DPY19L2: variants seen among roughly 807,000 people sequenced by gnomAD.
DPY19L2 encodes the protein probable C-mannosyltransferase DPY19L2.
Under a neutral mutation model 97.9 loss-of-function variants are expected in DPY19L2, and 34 were observed. That is an observed-to-expected ratio of 0.35 (90% CI 0.26 to 0.46). The LOEUF is 0.46. Ranked by LOEUF, DPY19L2 falls within the 20% of genes least tolerant of loss-of-function variation. DPY19L2 has a pLI of 1.00. For synonymous variants in DPY19L2, 230 were observed against 307.9 expected (o/e 0.75, Z 2.65); for missense variants, 623 against 911.4 (o/e 0.68, Z 4.07).
intron 11 of DPY19L2, among the ~76,000 whole-genome samples, chr12:63,614,287 A>G (rs987876672): frequency 1.3e-5 from 2 of 152,184 alleles, no homozygotes; most frequent in Admixed American, 1.3e-4. Flanking sequence ...AAAAGGTGAC[A>G]AAACAAACTG....
At chr12:63,636,524 G>C (rs1242945590) in intron 6 of DPY19L2, among the ~76,000 whole-genome samples, 1 of 151,988 alleles carries the variant, frequency 6.6e-6, no homozygotes, top group Admixed American at 6.6e-5. Flanking sequence ...GCTGTATTCG[G>C]GAAACCCATC....
intron 11 of DPY19L2, among the ~76,000 whole-genome samples, chr12:63,609,045 T>G (rs918832683): frequency 1.3e-5 from 2 of 152,008 alleles, no homozygotes; most frequent in Non-Finnish European, 2.9e-5. Flanking sequence ...AAATCCTTCC[T>G]CTCCAAACTG....
chr12:63,633,242 G>A (rs773429222), intron 6 of DPY19L2, among the ~76,000 whole-genome samples: 1 of 150,042 alleles, frequency 6.7e-6, no homozygotes, highest in Non-Finnish European at 1.5e-5. Flanking sequence ...CACAGCTTCT[G>A]CACGCAAAAG....
Position 63,624,052 on chromosome 12 carries a change from G to C in DPY19L2, c.941C>G (p.Thr314Ser), listed in dbSNP as rs1424957963. 14 of 1,609,524 alleles carry C rather than the reference G, an allele frequency of 8.7e-6. No individual in the cohort carries two copies. Among genetic ancestry groups the C allele is most frequent in the Non-Finnish European group, 1.2e-5 (14 of 1,177,876 alleles). ...AAATCGAAGTTACCTGAGAATCAAA[G>C]TTAAAATACACATCTGAAGTACAAG... ...PFLVLQMCIL[T>S]LILRTSSNDR... Residue 314 changes from threonine (T) to serine (S), a missense_variant, in exon 8 of 22, where the codon ACT becomes AGT. Physicochemically the swap from Thr to Ser is moderately conservative, Grantham distance 58. This residue lies in a region of DPY19L2 where 67 missense variants were observed against 88.0 expected (regional missense o/e 0.76). Transcript: ENST00000324472.
intron 5 of DPY19L2, among the ~76,000 whole-genome samples, chr12:63,645,264 G>T (rs1324188569): frequency 6.6e-6 from 1 of 152,124 alleles, no homozygotes; most frequent in African/African-American, 2.4e-5. Context: ...AGGTCTGAAG[G>T]CTGGCCTTCT....
rs139008997 is a variant in DPY19L2, at chr12:63,582,303, C to G, written c.1725+103G>C. 6,968 of 1,234,842 alleles carry G rather than the reference C, an allele frequency of 5.6e-3. 343 individuals carry two copies. In the African/African-American group the frequency reaches 0.095, roughly 17 times the overall value. 76.5% of individuals were successfully genotyped at this position (1,234,842 alleles called of 1,614,324 possible). ...ATTTAACTTAGTTAAGTTAAAAACACTTAGTGTGTTTATATTTTGAATTAG... is the reference window on the plus strand; with the variant it reads ...ATTTAACTTAGTTAAGTTAAAAACAGTTAGTGTGTTTATATTTTGAATTAG... On this transcript the variant is annotated intron_variant, in intron 18 of 21. Coordinates refer to ENST00000324472, the MANE Select transcript of DPY19L2 (RefSeq NM_173812.5).
At chr12:63,614,817 C>A (rs1230124741) in intron 11 of DPY19L2, among the ~76,000 whole-genome samples, 1 of 152,078 alleles carries the variant, frequency 6.6e-6, no homozygotes, top group Non-Finnish European at 1.5e-5. Context: ...GAGCCTGCAA[C>A]CTATAATATT....
chr12:63,666,778 T>A (rs1164970141), intron 1 of DPY19L2, among the ~76,000 whole-genome samples: 4 of 152,124 alleles, frequency 2.6e-5, no homozygotes, highest in Non-Finnish European at 4.4e-5. Flanking sequence ...ATTCCAGAAG[T>A]CCCACCTCCC....
At chr12:63,641,964 G>A (rs1160130448) in intron 6 of DPY19L2, among the ~76,000 whole-genome samples, 1 of 152,136 alleles carries the variant, frequency 6.6e-6, no homozygotes, top group African/African-American at 2.4e-5. Flanking sequence ...ATGTGAGTTG[G>A]TATTTCACTG....
chr12:63,560,686 T>G (rs780496216), intron 21 of DPY19L2, 24 bp from the exon 22 acceptor site: 11 of 1,612,302 alleles, frequency 6.8e-6, no homozygotes, highest in Admixed American at 1.7e-5. Flanking sequence ...GACATATATA[T>G]CCATATTAGA....
At chr12:63,632,752 G>A (rs4763098) in intron 6 of DPY19L2, among the ~76,000 whole-genome samples, 42,772 of 151,804 alleles carry the variant, frequency 0.28, 6,614 homozygotes, top group African/African-American at 0.43. Context: ...AGCCCGCATC[G>A]CCAAGACAAT....
intron 12 of DPY19L2, among the ~76,000 whole-genome samples, chr12:63,605,520 C>A (rs1885887996): frequency 6.6e-6 from 1 of 152,132 alleles, no homozygotes; most frequent in Admixed American, 6.5e-5. Flanking sequence ...ATCATGATTT[C>A]ATACACACAC....
intron 21 of DPY19L2, among the ~76,000 whole-genome samples, chr12:63,562,994 G>A (rs1195715385): frequency 1.3e-5 from 2 of 151,720 alleles, no homozygotes; most frequent in African/African-American, 4.8e-5. Context: ...ATGGGGTTTC[G>A]CCATGTTGGC....
intron 4 of DPY19L2, among the ~76,000 whole-genome samples, chr12:63,653,906 A>C (rs771051845): frequency 6.6e-6 from 1 of 152,110 alleles, no homozygotes; most frequent in African/African-American, 2.4e-5. Context: ...TGCTGAAAGA[A>C]AGGAACTATC....
chr12:63,626,272 A>G (rs1889520116), intron 7 of DPY19L2, among the ~76,000 whole-genome samples, 197 bp downstream of exon 7: 1 of 151,730 alleles, frequency 6.6e-6, no homozygotes, highest in African/African-American at 2.4e-5. Context: ...AAATAAGGCA[A>G]GAGATTTCAT....
intron 6 of DPY19L2, among the ~76,000 whole-genome samples, chr12:63,630,589 G>C (rs562916634): frequency 6.6e-6 from 1 of 152,100 alleles, no homozygotes; most frequent in South Asian, 2.1e-4. Flanking sequence ...GACCTACAAA[G>C]AGACTTAGAC....
At chr12:63,632,756 A>T (rs1448695144) in intron 6 of DPY19L2, among the ~76,000 whole-genome samples, 1 of 152,170 alleles carries the variant, frequency 6.6e-6, no homozygotes, top group Admixed American at 6.5e-5. Context: ...CGCATCGCCA[A>T]GACAATCCTA....
chr12:63,650,774 T>C (rs1051887756), intron 4 of DPY19L2, among the ~76,000 whole-genome samples: 2 of 152,092 alleles, frequency 1.3e-5, no homozygotes, highest in African/African-American at 4.8e-5. Flanking sequence ...CCAAAAGCAA[T>C]TTACAGATTC....
At chr12:63,642,546 T>C (rs1246599408) in intron 6 of DPY19L2, among the ~76,000 whole-genome samples, 2 of 152,102 alleles carry the variant, frequency 1.3e-5, no homozygotes, top group Non-Finnish European at 2.9e-5. Context: ...ATTCCAGCAC[T>C]ATTTATTAAA....
Sources: allele counts gnomAD v4.1 joint callset (sites outside exome capture counted in the v4.1 genomes callset), GRCh38; gene constraint gnomAD v4.1.1; regional missense constraint gnomAD v4.1.1; transcripts MANE v1.5; gene names NCBI Gene and HGNC (gene_info 2026-07-23, HGNC 2026-07-21).